MYO9A: variants seen among roughly 807,000 people sequenced by gnomAD.
The protein encoded by MYO9A is unconventional myosin-IXa.
MYO9A carries 103 observed loss-of-function variants against 293.3 expected under a neutral mutation model. That is an observed-to-expected ratio of 0.35 (90% confidence interval 0.30 to 0.41). The LOEUF (loss-of-function observed/expected upper bound fraction) is 0.41, where lower values mean the gene tolerates loss of function less well. Among genes scored for constraint, MYO9A ranks in the 10% least tolerant of loss-of-function variants. The pLI, the probability that MYO9A is intolerant of heterozygous loss-of-function variation, is 1.00. For synonymous variants in MYO9A, 1,001 were observed against 1,035.7 expected (o/e 0.97, Z 0.64); for missense variants, 2,685 against 3,033.0 (o/e 0.89, Z 2.69).
chr15:71,891,192 T>C (rs2057165870), intron 26 of MYO9A: 1 of 151,898 alleles, frequency 6.6e-6, no homozygotes, highest in African/African-American at 2.4e-5. Flanking sequence ...GAGAAGAAAA[T>C]GAGAAAGCTG....
intron 27 of MYO9A, among the ~76,000 whole-genome samples, chr15:71,884,088 T>C (rs1430392961): frequency 6.6e-6 from 1 of 152,258 alleles, no homozygotes; most frequent in East Asian, 1.9e-4. Flanking sequence ...AACTGGTTTA[T>C]TTTCATTCTT....
At chr15:72,010,557 A>G (rs2077142965) in intron 6 of MYO9A, 110 bp from the exon 7 acceptor site, 2 of 835,520 alleles carry the variant, frequency 2.4e-6, no homozygotes, top group Admixed American at 5.1e-5. Flanking sequence ...ATAAATGCAA[A>G]TTAGAGCTGG....
At chr15:71,842,210 T>C (rs904053922) in intron 39 of MYO9A, among the ~76,000 whole-genome samples, 5 of 151,568 alleles carry the variant, frequency 3.3e-5, no homozygotes, top group Non-Finnish European at 5.9e-5. Context: ...CCATCTCTAC[T>C]AAAAATAAAT....
In MYO9A at chr15:72,100,888, G is replaced by GC. The variant is rs1188422409; in HGVS notation, c.-72+16791dup. Among the ~76,000 whole-genome samples the GC allele has an allele frequency of 3.5e-3, 430 of 121,618 alleles. 4 individuals carry two copies. Among genetic ancestry groups the GC allele is most frequent in the African/African-American group, 0.013 (404 of 31,538 alleles). The allele number at this position is 121,618 out of a possible 152,430, so 79.8% of individuals were successfully genotyped here. On this transcript the variant is annotated intron_variant, in intron 1 of 41. Transcript: ENST00000356056. ...GGGAGGTGGGGGGGGTCAGCCCCCCGCCGGCCAGCCGCCCGGTCCGGGAGG... is the reference window on the plus strand; with the variant it reads ...GGGAGGTGGGGGGGGTCAGCCCCCCGCCCGGCCAGCCGCCCGGTCCGGGAGG...
At position 71,876,425 on chromosome 15, in the gene MYO9A, A is replaced by ATTT. The variant is rs397854202; in HGVS notation, c.5932-590_5932-588dup. Among the ~76,000 whole-genome samples the ATTT allele has an allele frequency of 4.4e-4, 27 of 61,074 alleles. 5 individuals carry two copies. Among genetic ancestry groups the ATTT allele is most frequent in the African/African-American group, 1.7e-3 (20 of 11,664 alleles). The allele number at this position is 61,074 out of a possible 152,430, so 40.1% of individuals were successfully genotyped here. A position where few individuals can be genotyped will look rare whatever the true frequency, so the allele number is the denominator to read the frequency against. On this transcript the variant is annotated intron_variant, in intron 31 of 41. Coordinates refer to ENST00000356056, the MANE Select transcript of MYO9A (RefSeq NM_006901.4). ...GCTTGAGCCACCACGCCTGGCTGGT[A>ATTT]TTTTTTTTTTTTTTTTTTTTTTTTT...
chr15:71,958,159 T>C (rs971126005), intron 14 of MYO9A, among the ~76,000 whole-genome samples: 1 of 152,198 alleles, frequency 6.6e-6, no homozygotes, highest in African/African-American at 2.4e-5. Context: ...ACATCTAGAA[T>C]TGGTCACCTC....
intron 1 of MYO9A, among the ~76,000 whole-genome samples, chr15:72,070,452 C>T (rs967189377): frequency 1.0e-5 from 1 of 97,528 alleles, no homozygotes; most frequent in Non-Finnish European, 2.2e-5. Flanking sequence ...GACTCTGCCT[C>T]AAAAAAAAAA....
chr15:72,038,251 T>A, intron 2 of MYO9A, among the ~76,000 whole-genome samples: 1 of 151,982 alleles, frequency 6.6e-6, no homozygotes, highest in East Asian at 1.9e-4. Flanking sequence ...ATGCACAAAA[T>A]ATATCCACCA....
In MYO9A at chr15:71,951,734, A is replaced by G. The variant is rs377515802; in HGVS notation, c.2302+43T>C. The G allele has an allele frequency of 2.0e-5, 32 of 1,612,042 alleles. No individual in the cohort carries two copies. The African/African-American group carries it at 3.9e-4, about 19-fold the overall frequency. ...TAGGATGCTCCTGGTTTCCATTTCC[A>G]AATGGATATGTGATAACAGTTTATC... On this transcript the variant is annotated intron_variant, in intron 15 of 41. Transcript: ENST00000356056.
intron 39 of MYO9A, among the ~76,000 whole-genome samples, chr15:71,839,703 C>G (rs2055075946): frequency 6.6e-6 from 1 of 152,178 alleles, no homozygotes; most frequent in African/African-American, 2.4e-5. Context: ...AACTACTGTG[C>G]CTGGCCTGAA....
intron 2 of MYO9A, chr15:72,041,467 C>G (rs904973195): frequency 8.4e-6 from 3 of 358,808 alleles, no homozygotes; most frequent in Non-Finnish European, 1.6e-5. Context: ...CCCATGAAAA[C>G]AGCAATTCCA....
At position 71,975,184 on chromosome 15, in the gene MYO9A, A is replaced by G. The variant is rs559583905; in HGVS notation, c.1844+2987T>C. Among the ~76,000 whole-genome samples the G allele has an allele frequency of 5.9e-5, 9 of 152,300 alleles. No homozygotes were observed. The South Asian group carries it at 1.9e-3, about 32-fold the overall frequency. ...TACAACATGATAATGAACTGGACTA[A>G]TTACTAATGACTGAATGGGATTCTA... On this transcript the variant is annotated intron_variant, in intron 12 of 41. Transcript: ENST00000356056.
intron 18 of MYO9A, among the ~76,000 whole-genome samples, chr15:71,920,433 A>G (rs565117108): frequency 4.6e-5 from 7 of 152,284 alleles, no homozygotes; most frequent in African/African-American, 1.7e-4. Flanking sequence ...AAGAGGCCCA[A>G]AAGAGCTGCC....
At chr15:71,951,440 G>T (rs201346179) in intron 15 of MYO9A, among the ~76,000 whole-genome samples, 3 of 143,734 alleles carry the variant, frequency 2.1e-5, no homozygotes, top group Admixed American at 6.9e-5. Context: ...TTTTTTTGTT[G>T]TTTTTTTTTT....
intron 8 of MYO9A, among the ~76,000 whole-genome samples, chr15:72,002,091 C>G (rs1451003372): frequency 6.6e-6 from 1 of 152,030 alleles, no homozygotes; most frequent in Admixed American, 6.6e-5. Flanking sequence ...CTCCTCTCTA[C>G]TAAAAATAAA....
In MYO9A at chr15:71,889,125, GAC is replaced by G. The variant is rs772795331; in HGVS notation, c.5143-1011_5143-1010del. Among the ~76,000 whole-genome samples the G allele has an allele frequency of 3.9e-5, 6 of 152,286 alleles. No homozygotes were observed. The East Asian group carries it at 9.6e-4, about 24-fold the overall frequency. On this transcript the variant is annotated intron_variant, in intron 26 of 41. Coordinates refer to ENST00000356056, the MANE Select transcript of MYO9A (RefSeq NM_006901.4). Reference sequence around the variant, plus strand: ...TGAGCACAGTGACTAGAGACCAAAAGACAGAGTACTGGAGAGGAGTGAGAAGC... The same window carrying G: ...TGAGCACAGTGACTAGAGACCAAAAGAGAGTACTGGAGAGGAGTGAGAAGC...
intron 21 of MYO9A, 55 bp downstream of exon 21, chr15:71,903,874 G>A (rs183042102): frequency 2.1e-6 from 3 of 1,401,398 alleles, no homozygotes; most frequent in Non-Finnish European, 2.0e-6. Context: ...CAAGATATGT[G>A]GGAATCATTT....
chr15:71,872,667 G>C (rs1383051417), intron 32 of MYO9A, among the ~76,000 whole-genome samples: 1 of 152,038 alleles, frequency 6.6e-6, no homozygotes, highest in Admixed American at 6.6e-5. Context: ...GGTACACAAA[G>C]CAAAATAAGT....
chr15:71,971,573 G>C (rs2076011389), intron 12 of MYO9A, among the ~76,000 whole-genome samples: 2 of 142,778 alleles, frequency 1.4e-5, no homozygotes, highest in South Asian at 2.2e-4. Flanking sequence ...TACAGAGCTA[G>C]ACACTGTCTC....
Sources: gnomAD v4.1 joint callset for allele counts (sites outside exome capture counted in the v4.1 genomes callset) on GRCh38, gnomAD v4.1.1 for gene constraint, MANE v1.5 for transcripts, NCBI Gene and HGNC (gene_info 2026-07-23, HGNC 2026-07-21) for gene names.